Variants in COL24A1 observed in about 807,000 individuals in gnomAD.
COL24A1 encodes the protein collagen alpha-1(XXIV) chain.
Under a neutral mutation model 253.9 loss-of-function variants are expected in COL24A1, and 224 were observed. The ratio of observed to expected loss-of-function variants is 0.88; its 90% CI spans 0.79 to 0.99. The LOEUF (loss-of-function observed/expected upper bound fraction) is 0.99, where lower values mean the gene tolerates loss of function less well. Ranked by LOEUF, COL24A1 falls within the 50% of genes least tolerant of loss-of-function variation. The pLI is 0.00. For missense variants in COL24A1, 2,131 were observed against 2,068.5 expected, an observed-to-expected ratio of 1.03 and a Z score of -0.59; for synonymous variants, 685 against 673.7, an observed-to-expected ratio of 1.02 and a Z score of -0.26.
intron 55 of COL24A1, among the ~76,000 whole-genome samples, chr1:85,761,111 C>A (rs530675933): frequency 6.6e-6 from 1 of 152,102 alleles, no homozygotes; most frequent in Non-Finnish European, 1.5e-5. Flanking sequence ...ATTAGTTTTT[C>A]AAGTGCTTAT....
chr1:86,041,726 C>T (rs956130109), intron 12 of COL24A1, among the ~76,000 whole-genome samples: 3 of 151,984 alleles, frequency 2.0e-5, no homozygotes, highest in African/African-American at 7.3e-5. Flanking sequence ...AAATCTGGCT[C>T]ACATCAGATA....
At chr1:86,089,275 T>C (rs1703312426) in intron 6 of COL24A1, 48 bp from the exon 7 acceptor site, 4 of 1,376,098 alleles carry the variant, frequency 2.9e-6, no homozygotes, top group Non-Finnish European at 4.0e-6. Context: ...GAACTGAAAA[T>C]TAGAATTCTC....
At chr1:85,868,716 A>G in intron 36 of COL24A1, 66 bp downstream of exon 36, 2 of 1,407,774 alleles carry the variant, frequency 1.4e-6, no homozygotes, top group Non-Finnish European at 2.0e-6. Flanking sequence ...AAAAACAATG[A>G]TGTCTAATAT....
intron 24 of COL24A1, among the ~76,000 whole-genome samples, chr1:85,955,064 C>T (rs1028484403): frequency 5.9e-5 from 9 of 152,188 alleles, no homozygotes; most frequent in Non-Finnish European, 1.5e-5. Flanking sequence ...GGATGGCCCA[C>T]CATGCTCCCC....
intron 18 of COL24A1, 97 bp downstream of exon 18, chr1:86,022,143 A>C: frequency 9.6e-7 from 1 of 1,039,056 alleles, no homozygotes; most frequent in Non-Finnish European, 1.5e-6. Flanking sequence ...ACAAATGCTC[A>C]GTAGGCTTAT....
chr1:85,738,457 G>A (rs1664282997), intron 57 of COL24A1, among the ~76,000 whole-genome samples: 1 of 152,128 alleles, frequency 6.6e-6, no homozygotes, highest in Non-Finnish European at 1.5e-5. Context: ...TTGCTCCACT[G>A]AGTGCCCAAG....
chr1:86,113,201 G>A (rs1012964707), intron 4 of COL24A1, among the ~76,000 whole-genome samples: 1 of 152,076 alleles, frequency 6.6e-6, no homozygotes, highest in African/African-American at 2.4e-5. Context: ...TTGATGTTTT[G>A]TGTTTCTCAT....
At chr1:85,924,055 A>C (rs910083773) in intron 24 of COL24A1, among the ~76,000 whole-genome samples, 1 of 152,216 alleles carries the variant, frequency 6.6e-6, no homozygotes, top group Non-Finnish European at 1.5e-5. Context: ...TAGGCAAATA[A>C]ACTAGAAAAT....
chr1:85,955,873 T>C (rs1690410591), intron 24 of COL24A1, among the ~76,000 whole-genome samples: 1 of 152,238 alleles, frequency 6.6e-6, no homozygotes, highest in African/African-American at 2.4e-5. Context: ...ATACATTAAG[T>C]TATATTTTCA....
chr1:86,067,915 A>G (rs1044197800), intron 7 of COL24A1, among the ~76,000 whole-genome samples: 1 of 152,244 alleles, frequency 6.6e-6, no homozygotes, highest in Non-Finnish European at 1.5e-5. Context: ...TAACTAGCAT[A>G]TGATTTTTCT....
intron 2 of COL24A1, among the ~76,000 whole-genome samples, chr1:86,142,527 AAAAAAACAAAAAAC>A (rs1187004603): frequency 6.6e-6 from 1 of 150,594 alleles, no homozygotes. Flanking sequence ...TGCCTCAAAA[AAAAAAACAAAAAAC>A]AAAAAACAAA....
intron 14 of COL24A1, among the ~76,000 whole-genome samples, chr1:86,028,356 CCCCA>C (rs1698240399): frequency 6.6e-6 from 1 of 152,140 alleles, no homozygotes; most frequent in Non-Finnish European, 1.5e-5. Context: ...TTCCCATAAC[CCCCA>C]CATGCCAAGG....
Position 86,031,898 on chromosome 1 carries a change from G to A in COL24A1, c.2029C>T (p.Pro677Ser). Residue 677 changes from proline (P) to serine (S), a missense_variant, in exon 14 of 60, where the codon CCG becomes TCG. Pro to Ser is a moderately conservative substitution (Grantham distance 74). Transcript: ENST00000370571. ...CTCACTCTAAGCCCAGGAAACCCCG[G>A]AGGACCAGTGCCACCTACAAGTCCC... ...SPGLVGGTGPPGFPGLRGSVG... is the reference protein window; with the variant it reads ...SPGLVGGTGPSGFPGLRGSVG... 2 of 1,608,860 alleles carry A rather than the reference G, an allele frequency of 1.2e-6. No homozygotes were observed. Among genetic ancestry groups the A allele is most frequent in the Non-Finnish European group, 1.7e-6 (2 of 1,177,532 alleles).
intron 5 of COL24A1, among the ~76,000 whole-genome samples, chr1:86,110,344 T>C (rs566947223): frequency 6.8e-6 from 1 of 147,172 alleles, no homozygotes; most frequent in Admixed American, 6.9e-5. Flanking sequence ...TCCATACGTT[T>C]TCCTATGTTC....
intron 37 of COL24A1, among the ~76,000 whole-genome samples, chr1:85,862,299 A>G (rs1473500203): frequency 6.6e-6 from 1 of 152,206 alleles, no homozygotes; most frequent in African/African-American, 2.4e-5. Flanking sequence ...CAAAAACTTC[A>G]TCGAATTCAC....
chr1:86,021,360 C>G (rs1409921052), intron 18 of COL24A1, among the ~76,000 whole-genome samples: 1 of 152,024 alleles, frequency 6.6e-6, no homozygotes, highest in African/African-American at 2.4e-5. Context: ...ACTCCTAAAA[C>G]CATCTTAAAA....
chr1:86,012,374 G>A (rs1696580243), intron 19 of COL24A1, among the ~76,000 whole-genome samples: 1 of 152,134 alleles, frequency 6.6e-6, no homozygotes, highest in Admixed American at 6.5e-5. Context: ...CAGATCACGA[G>A]GTCAGGAGAT....
chr1:85,976,840 A>C (rs975938935), intron 20 of COL24A1, among the ~76,000 whole-genome samples: 1 of 152,190 alleles, frequency 6.6e-6, no homozygotes. Context: ...AGAAAACAAC[A>C]GCTAATTCCA....
Position 85,789,687 on chromosome 1 carries a change from C to G in COL24A1, c.3952-3226G>C, listed in dbSNP as rs557400607. ...ATTCAGTATGATATCAGCTGTGGGTCTGTCATAAAAGGCTCTTATTATTTT... is the reference window on the plus strand; with the variant it reads ...ATTCAGTATGATATCAGCTGTGGGTGTGTCATAAAAGGCTCTTATTATTTT... On this transcript the variant is annotated intron_variant, in intron 47 of 59. Coordinates refer to ENST00000370571, the MANE Select transcript of COL24A1 (RefSeq NM_152890.7). Among the ~76,000 whole-genome samples, 5 of 152,078 alleles carry G rather than the reference C, an allele frequency of 3.3e-5. No homozygotes were observed. The South Asian group carries it at 1.0e-3, about 32-fold the overall frequency.
Sources: gnomAD v4.1 joint callset for allele counts (sites outside exome capture counted in the v4.1 genomes callset) on GRCh38, gnomAD v4.1.1 for gene constraint, MANE v1.5 for transcripts, NCBI Gene and HGNC (gene_info 2026-07-23, HGNC 2026-07-21) for gene names.